The following PRKCB variants were observed in gnomAD, a reference collection of about 807,000 sequenced individuals.
The protein encoded by PRKCB is protein kinase C beta, also known as protein kinase C beta type.
PRKCB carries 13 observed loss-of-function variants against 81.5 expected under a neutral mutation model. The observed-to-expected ratio is 0.16, with a 90% confidence interval of 0.10 to 0.25. The LOEUF is 0.25. PRKCB is among the 10% of genes least tolerant of loss of function. The pLI is 1.00. For missense variants in PRKCB, 509 were observed against 875.7 expected, an observed-to-expected ratio of 0.58 and a Z score of 5.29; for synonymous variants, 335 against 321.4, an observed-to-expected ratio of 1.04 and a Z score of -0.45.
chr16:23,886,811 T>C (rs1597228793), intron 2 of PRKCB, among the ~76,000 whole-genome samples: 1 of 152,110 alleles, frequency 6.6e-6, no homozygotes. Context: ...GCTCTATCTG[T>C]CCCCTTCATC....
Position 24,215,479 on chromosome 16 carries a change from T to G in PRKCB, c.*663T>G. ...GTGTTGTAGTTTCTGATACTTTATG[T>G]CTTTGCTCACCCTCATCCCCAAACT... On this transcript the variant is annotated 3_prime_UTR_variant, in exon 17 of 17. Coordinates refer to ENST00000643927, the MANE Select transcript of PRKCB (RefSeq NM_002738.7). 1 of 985,810 alleles carries G rather than the reference T, an allele frequency of 1.0e-6. No homozygotes were observed. The highest frequency in any genetic ancestry group is 1.2e-6 in the Non-Finnish European group (1 of 829,936). 61.1% of individuals were successfully genotyped at this position (985,810 alleles called of 1,614,324 possible).
chr16:23,966,631 A>C (rs995314333), intron 2 of PRKCB, among the ~76,000 whole-genome samples: 1 of 152,144 alleles, frequency 6.6e-6, no homozygotes, highest in Non-Finnish European at 1.5e-5. Flanking sequence ...AAATCCCTTT[A>C]AGTTGGGTGT....
intron 15 of PRKCB, among the ~76,000 whole-genome samples, chr16:24,190,763 C>T (rs535247011): frequency 4.6e-5 from 7 of 152,054 alleles, no homozygotes; most frequent in East Asian, 1.9e-4. Context: ...GTGATTCGCC[C>T]GCCTAGGCCT....
At chr16:24,010,565 A>T (rs1965189181) in intron 3 of PRKCB, among the ~76,000 whole-genome samples, 2 of 152,118 alleles carry the variant, frequency 1.3e-5, no homozygotes, top group Admixed American at 6.5e-5. Flanking sequence ...GGAGCTTTAA[A>T]AGAATGCAGA....
At chr16:23,967,422 T>C (rs1487581831) in intron 2 of PRKCB, among the ~76,000 whole-genome samples, 2 of 152,174 alleles carry the variant, frequency 1.3e-5, no homozygotes, top group African/African-American at 4.8e-5. Flanking sequence ...CAGCCACCTT[T>C]GAAGCCAGAA....
intron 10 of PRKCB, among the ~76,000 whole-genome samples, chr16:24,160,196 T>C: frequency 6.8e-6 from 1 of 146,150 alleles, no homozygotes; most frequent in East Asian, 1.9e-4. Flanking sequence ...GGGTGTTTTT[T>C]TTTTTTTTTT....
At position 24,162,565 on chromosome 16, in the gene PRKCB, C is replaced by T. The variant is rs145134450; in HGVS notation, c.1239+7708C>T. Among the ~76,000 whole-genome samples, 866 of 146,568 alleles carry T rather than the reference C, an allele frequency of 5.9e-3. 6 individuals are homozygous for T. The highest frequency in any genetic ancestry group is 0.02 in the African/African-American group (803 of 39,644). On this transcript the variant is annotated intron_variant, in intron 10 of 16. Coordinates refer to ENST00000643927, the MANE Select transcript of PRKCB (RefSeq NM_002738.7). ...CTGGGCTCAAGCGATCCCCCTGCCT[C>T]GACTTCCGGAGTAGCTGGGACCACA...
chr16:24,085,257 T>G (rs1966298374), intron 5 of PRKCB, among the ~76,000 whole-genome samples: 1 of 151,984 alleles, frequency 6.6e-6, no homozygotes. Context: ...ATGCCTGGAC[T>G]GGAGTGGAGA....
chr16:24,198,937 T>C (rs1596595268), intron 16 of PRKCB, among the ~76,000 whole-genome samples: 1 of 152,110 alleles, frequency 6.6e-6, no homozygotes, highest in African/African-American at 2.4e-5. Context: ...CCTCCTTCCT[T>C]CCATTCTAGC....
chr16:24,203,480 C>A (rs1967994513), intron 16 of PRKCB, among the ~76,000 whole-genome samples: 1 of 152,072 alleles, frequency 6.6e-6, no homozygotes, highest in African/African-American at 2.4e-5. Context: ...TCCAAAAGTT[C>A]CCACCTCTCA....
chr16:23,940,979 T>C (rs535617636), intron 2 of PRKCB, among the ~76,000 whole-genome samples: 1 of 152,330 alleles, frequency 6.6e-6, no homozygotes, highest in African/African-American at 2.4e-5. Flanking sequence ...ACTAGGATGA[T>C]AGCTGTTTTT....
At chr16:24,132,844 A>G (rs1469048000) in intron 9 of PRKCB, among the ~76,000 whole-genome samples, 1 of 148,794 alleles carries the variant, frequency 6.7e-6, no homozygotes, top group African/African-American at 2.5e-5. Flanking sequence ...GCAGTGGTGC[A>G]ATCATAGCTC....
chr16:24,098,003 T>G (rs1349609601), intron 7 of PRKCB, among the ~76,000 whole-genome samples: 6 of 152,186 alleles, frequency 3.9e-5, no homozygotes, highest in Non-Finnish European at 1.5e-5. Flanking sequence ...TGGCTTTTCC[T>G]GAATTCCAAA....
intron 2 of PRKCB, among the ~76,000 whole-genome samples, chr16:23,940,132 T>C (rs1180273557): frequency 1.3e-5 from 2 of 151,960 alleles, no homozygotes; most frequent in Non-Finnish European, 2.9e-5. Flanking sequence ...AAAATGCAAA[T>C]TAAAAGCACA....
intron 5 of PRKCB, among the ~76,000 whole-genome samples, chr16:24,059,731 A>G (rs1229320663): frequency 6.6e-6 from 1 of 152,206 alleles, no homozygotes; most frequent in African/African-American, 2.4e-5. Context: ...GAACCAGCCG[A>G]GTAAATGGTC....
intron 7 of PRKCB, among the ~76,000 whole-genome samples, chr16:24,100,601 G>A (rs1460020929): frequency 1.3e-5 from 2 of 152,196 alleles, no homozygotes; most frequent in Non-Finnish European, 2.9e-5. Context: ...TCCAGCCGAG[G>A]AGGAGGGAAA....
chr16:24,062,469 G>A (rs976398990), intron 5 of PRKCB, among the ~76,000 whole-genome samples: 1 of 152,254 alleles, frequency 6.6e-6, no homozygotes, highest in African/African-American at 2.4e-5. Context: ...AAACCCAGAT[G>A]CAGGGAATGG....
intron 2 of PRKCB, among the ~76,000 whole-genome samples, chr16:23,866,514 T>C (rs1339014840): frequency 6.6e-6 from 1 of 152,224 alleles, no homozygotes; most frequent in Non-Finnish European, 1.5e-5. Flanking sequence ...GTAAATTTGG[T>C]GTCTCTTATA....
At chr16:24,099,203 G>A (rs1485234595) in intron 7 of PRKCB, 1 of 152,168 alleles carries the variant, frequency 6.6e-6, no homozygotes, top group Non-Finnish European at 1.5e-5. Flanking sequence ...GCACTGATCA[G>A]GTGTGCAGAA....
Sources: allele counts gnomAD v4.1 joint callset (sites outside exome capture counted in the v4.1 genomes callset), GRCh38; gene constraint gnomAD v4.1.1; transcripts MANE v1.5; gene names NCBI Gene and HGNC (gene_info 2026-07-23, HGNC 2026-07-21).